Variants in STARD13 observed in about 807,000 individuals in gnomAD.
STARD13 encodes StAR related lipid transfer domain containing 13.
STARD13 carries 62 observed loss-of-function variants against 106.4 expected under a neutral mutation model. The ratio of observed to expected loss-of-function variants is 0.58; its 90% CI spans 0.48 to 0.72. The LOEUF is 0.72. STARD13 is among the 30% of genes least tolerant of loss of function. STARD13 has a pLI of 0.00. For missense variants in STARD13, 1,387 were observed against 1,424.0 expected (o/e 0.97, Z 0.42); for synonymous variants, 565 against 553.0 (o/e 1.02, Z -0.31).
At chr13:33,524,814 T>A in the STARD13 span, among the ~76,000 whole-genome samples, 271 of 152,244 alleles carry the variant, frequency 1.8e-3, 1 homozygote, top group African/African-American at 6.3e-3. Flanking sequence ...TCAAGCTAAT[T>A]AACATATGCA....
the STARD13 span, among the ~76,000 whole-genome samples, chr13:33,601,484 G>A: frequency 6.6e-6 from 1 of 152,086 alleles, no homozygotes; most frequent in African/African-American, 2.4e-5. Flanking sequence ...GAGCCAGGGG[G>A]CAATACCCCT....
At chr13:33,654,758 T>G in the STARD13 span, 1 of 152,230 alleles carries the variant, frequency 6.6e-6, no homozygotes, top group Admixed American at 6.5e-5. Context: ...TGATTTTACC[T>G]TGGTTAGTCA....
the STARD13 span, among the ~76,000 whole-genome samples, chr13:33,440,641 C>T: frequency 6.6e-6 from 1 of 151,414 alleles, no homozygotes; most frequent in Non-Finnish European, 1.5e-5. Flanking sequence ...GGTGCTGGCC[C>T]TTCTTCCCTT....
At chr13:33,657,874 A>C in the STARD13 span, among the ~76,000 whole-genome samples, 1 of 152,236 alleles carries the variant, frequency 6.6e-6, no homozygotes. Flanking sequence ...TAGATTTTCT[A>C]TTTTATGGTG....
intron 1 of STARD13, among the ~76,000 whole-genome samples, chr13:33,168,699 G>A (rs1310949268): frequency 6.3e-5 from 9 of 143,816 alleles, no homozygotes; most frequent in East Asian, 2.1e-4. Flanking sequence ...TGTACAGGGC[G>A]TTCTTGGGAT....
At chr13:33,124,667 T>C (rs1278047828) in intron 7 of STARD13, among the ~76,000 whole-genome samples, 3 of 152,176 alleles carry the variant, frequency 2.0e-5, no homozygotes, top group African/African-American at 7.2e-5. Context: ...GGTTTATAGC[T>C]ATGGACATTA....
At chr13:33,492,759 T>C in the STARD13 span, among the ~76,000 whole-genome samples, 1 of 152,222 alleles carries the variant, frequency 6.6e-6, no homozygotes, top group African/African-American at 2.4e-5. Context: ...GGCTGCTCTG[T>C]CTATGGACTA....
At chr13:33,547,803 T>G in the STARD13 span, among the ~76,000 whole-genome samples, 2 of 152,210 alleles carry the variant, frequency 1.3e-5, no homozygotes, top group Non-Finnish European at 2.9e-5. Flanking sequence ...CATTTTTCAT[T>G]TCATGAAGAT....
chr13:33,229,310 C>T (rs1888784992), intron 1 of STARD13, among the ~76,000 whole-genome samples: 1 of 152,172 alleles, frequency 6.6e-6, no homozygotes, highest in Non-Finnish European at 1.5e-5. Context: ...ACTGAGATGA[C>T]ACAGACCAAA....
At chr13:33,531,053 A>T in the STARD13 span, among the ~76,000 whole-genome samples, 1 of 152,158 alleles carries the variant, frequency 6.6e-6, no homozygotes, top group African/African-American at 2.4e-5. Context: ...TAACTGAATC[A>T]TGAGGGCAGG....
At chr13:33,570,194 C>G in the STARD13 span, among the ~76,000 whole-genome samples, 1 of 147,968 alleles carries the variant, frequency 6.8e-6, no homozygotes, top group African/African-American at 2.5e-5. Context: ...CCATGTGCCA[C>G]TGTGTATCAA....
Position 33,285,693 on chromosome 13 carries a change from T to C in STARD13, c.-55A>G, listed in dbSNP as rs1334120887. The C allele has an allele frequency of 3.1e-6, 5 of 1,598,124 alleles. No homozygotes were observed. In the African/African-American group the frequency reaches 4.0e-5, roughly 13 times the overall value. On this transcript the variant is annotated 5_prime_UTR_variant, in exon 1 of 14. Transcript: ENST00000336934. ...CTGCCTGTGGCTGTTGCCGTCTGTC[T>C]CCAGTCTCAGTCAAAGAGCAAGGCA...
chr13:33,639,877 TG>T, the STARD13 span, among the ~76,000 whole-genome samples: 2 of 152,232 alleles, frequency 1.3e-5, no homozygotes, highest in Non-Finnish European at 2.9e-5. Flanking sequence ...CTATTCTAGT[TG>T]GTGGGTGGCG....
chr13:33,130,292 GC>G lies in STARD13; in HGVS notation c.388-4del, dbSNP rs751917776. The G allele has an allele frequency of 3.1e-5, 50 of 1,598,074 alleles. 1 individual carries two copies. Among genetic ancestry groups the G allele is most frequent in the Non-Finnish European group, 4.1e-5 (48 of 1,178,332 alleles). ...TCTTCCTCATCGGAGTCGTCACCCT[GC>G]AGAGCACCAAGGAAAATGCTCATTA... On this transcript the variant is annotated splice_polypyrimidine_tract_variant and splice_region_variant and intron_variant, in intron 4 of 13. Coordinates refer to ENST00000336934, the MANE Select transcript of STARD13 (RefSeq NM_178006.4). This position sits in a 1 kb window ranked among gnomAD's most constrained non-coding sequence, Gnocchi z 4.1.
At chr13:33,341,515 C>T (rs773153981) in intron 1 of STARD13, among the ~76,000 whole-genome samples, 8 of 149,870 alleles carry the variant, frequency 5.3e-5, no homozygotes, top group African/African-American at 7.4e-5. Flanking sequence ...GGCTTCAACT[C>T]GGGAGGTGGA....
intron 4 of STARD13, among the ~76,000 whole-genome samples, chr13:33,134,652 C>T (rs10492402): frequency 0.081 from 12,340 of 152,098 alleles, 626 homozygotes; most frequent in East Asian, 0.25. Flanking sequence ...ATCAACAGAA[C>T]CAAATGGGAC....
chr13:33,204,213 T>C (rs145478959), intron 1 of STARD13, among the ~76,000 whole-genome samples: 4 of 152,322 alleles, frequency 2.6e-5, no homozygotes, highest in African/African-American at 7.2e-5. Context: ...TGTCAGCACA[T>C]GTGAGTTTAG....
chr13:33,124,098 G>A (rs542908279), intron 7 of STARD13, among the ~76,000 whole-genome samples: 18 of 152,242 alleles, frequency 1.2e-4, no homozygotes, highest in Non-Finnish European at 2.4e-4. Context: ...TGATTGATTC[G>A]CTTTTACTAG....
the STARD13 span, among the ~76,000 whole-genome samples, chr13:33,452,147 A>G: frequency 6.6e-6 from 1 of 152,128 alleles, no homozygotes; most frequent in African/African-American, 2.4e-5. Context: ...AGGTGCAAAT[A>G]CAAGGGAACA....
Sources: allele counts gnomAD v4.1 joint callset (sites outside exome capture counted in the v4.1 genomes callset), GRCh38; gene constraint gnomAD v4.1.1; non-coding constraint Gnocchi (gnomAD v3.1); transcripts MANE v1.5; gene names NCBI Gene and HGNC (gene_info 2026-07-23, HGNC 2026-07-21).